The following ATXN7 variants were observed in gnomAD, a reference collection of about 807,000 sequenced individuals.
ATXN7 encodes ataxin 7.
A neutral mutation model predicts 70.5 loss-of-function variants in ATXN7; 12 were observed. That is an observed-to-expected ratio of 0.17 (90% CI 0.11 to 0.28). The LOEUF (loss-of-function observed/expected upper bound fraction) is 0.28, where lower values mean the gene tolerates loss of function less well. Ranked by LOEUF, ATXN7 falls within the 10% of genes least tolerant of loss-of-function variation. ATXN7 has a pLI of 1.00. For missense variants in ATXN7, 1,256 were observed against 1,131.7 expected, an observed-to-expected ratio of 1.11 and a Z score of -1.58; for synonymous variants, 498 against 448.7, an observed-to-expected ratio of 1.11 and a Z score of -1.39.
intron 4 of ATXN7, among the ~76,000 whole-genome samples, chr3:63,920,203 A>C (rs753491073): frequency 1.3e-5 from 2 of 152,160 alleles, no homozygotes; most frequent in Non-Finnish European, 2.9e-5. Flanking sequence ...GAGACCATGC[A>C]CATGTTTCCA....
intron 1 of ATXN7, among the ~76,000 whole-genome samples, chr3:63,885,028 G>A (rs1171086131): frequency 2.6e-5 from 4 of 152,070 alleles, no homozygotes; most frequent in African/African-American, 9.7e-5. Flanking sequence ...TGAAAAGGGA[G>A]GAAAGAGACA....
intron 11 of ATXN7, among the ~76,000 whole-genome samples, 187 bp from the exon 12 acceptor site, chr3:63,995,318 A>AC (rs2075739806): frequency 6.6e-6 from 1 of 152,158 alleles, no homozygotes; most frequent in Non-Finnish European, 1.5e-5. Flanking sequence ...ACAGTTCTGT[A>AC]AGAACTGTAC....
intron 4 of ATXN7, among the ~76,000 whole-genome samples, chr3:63,943,787 A>G (rs926277110): frequency 1.3e-5 from 2 of 152,276 alleles, no homozygotes; most frequent in African/African-American, 2.4e-5. Context: ...CCTCACATCC[A>G]TGGTCTCCTG....
intron 5 of ATXN7, among the ~76,000 whole-genome samples, chr3:63,979,378 C>T (rs904929634): frequency 7.9e-5 from 12 of 151,952 alleles, no homozygotes; most frequent in African/African-American, 2.2e-4. Flanking sequence ...TCTTAGGGAA[C>T]GATAAGATAA....
intron 1 of ATXN7, among the ~76,000 whole-genome samples, chr3:63,883,629 TA>T (rs1238273372): frequency 2.6e-5 from 4 of 152,310 alleles, no homozygotes; most frequent in Admixed American, 1.3e-4. Flanking sequence ...CTATTCTATT[TA>T]AACATAAATA....
At chr3:63,914,160 G>A (rs1396137015) in intron 4 of ATXN7, among the ~76,000 whole-genome samples, 3 of 152,186 alleles carry the variant, frequency 2.0e-5, no homozygotes, top group African/African-American at 7.2e-5. Context: ...TTATTTTGCA[G>A]AATTGTTGTC....
rs765685577 is a variant in ATXN7, at chr3:63,982,236, C to T, written c.803C>T (p.Thr268Ile). 5.0e-6 allele frequency: 8 copies of T among 1,614,140 alleles called. No homozygotes were observed. The highest frequency in any genetic ancestry group is 5.1e-6 in the Non-Finnish European group (6 of 1,180,024). Residue 268 changes from threonine to isoleucine, a missense_variant, in exon 7 of 13, where the codon ACA becomes ATA. Transcript: ENST00000674280. ...AAGATTCATCCGAAAATGGATGGCA[C>T]ACTACTGAAATCTGCGGTGGGGCCA... ...VEKIHPKMDGTLLKSAVGPTC... is the reference protein window; with the variant it reads ...VEKIHPKMDGILLKSAVGPTC...
At position 63,979,896 on chromosome 3, in the gene ATXN7, T is replaced by C. The variant is rs1575981084; in HGVS notation, c.500-19T>C. The C allele has an allele frequency of 6.2e-7, 1 of 1,611,924 alleles. No homozygotes were observed. ...TCGCCTAAAACATGATGTCTTTTTT[T>C]CTTTGCTTTCGTTTTCAGAAAGAAG... On this transcript the variant is annotated intron_variant, in intron 5 of 12. Transcript: ENST00000674280.
At chr3:63,888,293 G>T (rs552119039) in intron 1 of ATXN7, among the ~76,000 whole-genome samples, 2 of 152,120 alleles carry the variant, frequency 1.3e-5, no homozygotes, top group African/African-American at 4.8e-5. Flanking sequence ...ATAGGAATTT[G>T]CAAAGATGGT....
intron 1 of ATXN7, among the ~76,000 whole-genome samples, chr3:63,886,953 CA>C (rs1235714879): frequency 4.6e-5 from 7 of 152,154 alleles, no homozygotes; most frequent in Admixed American, 4.6e-4. Context: ...TGCCCAGTAG[CA>C]GTCCCTTGAG....
At chr3:63,915,446 A>C (rs992277307) in intron 4 of ATXN7, among the ~76,000 whole-genome samples, 2 of 152,232 alleles carry the variant, frequency 1.3e-5, no homozygotes, top group Non-Finnish European at 2.9e-5. Context: ...GCACTCACTC[A>C]GTGGACCTTT....
intron 1 of ATXN7, among the ~76,000 whole-genome samples, chr3:63,892,703 A>G (rs1049870484): frequency 6.6e-6 from 1 of 152,190 alleles, no homozygotes; most frequent in African/African-American, 2.4e-5. Context: ...CCAGGCACAT[A>G]TTAACCTGAG....
chr3:63,945,366 G>T (rs2074842614), intron 4 of ATXN7, among the ~76,000 whole-genome samples: 1 of 152,194 alleles, frequency 6.6e-6, no homozygotes, highest in South Asian at 2.1e-4. Context: ...AAAAGAATTT[G>T]TCAACATGCA....
intron 5 of ATXN7, among the ~76,000 whole-genome samples, chr3:63,965,508 C>G (rs973445979): frequency 3.9e-5 from 6 of 152,128 alleles, no homozygotes; most frequent in African/African-American, 1.4e-4. Flanking sequence ...CCATCCAAAC[C>G]ACAGCTGATA....
intron 5 of ATXN7, among the ~76,000 whole-genome samples, chr3:63,970,430 C>G (rs540433323): frequency 1.3e-5 from 2 of 152,302 alleles, no homozygotes; most frequent in Non-Finnish European, 2.9e-5. Context: ...GTGTTATACT[C>G]ATAGCTGAGG....
rs1210236745 is a variant in ATXN7 at position 63,913,183 on chromosome 3, G to A, written c.352G>A (p.Glu118Lys). Residue 118 changes from glutamate (E) to lysine (K), a missense_variant, in exon 4 of 13, where the codon GAG becomes AAG. Glu to Lys is a moderately conservative substitution (Grantham distance 56). Coordinates refer to ENST00000674280, the MANE Select transcript of ATXN7 (RefSeq NM_001377405.1). ...GACAGAATTGGACGAAAGTTTCAAG[G>A]AGTTTGGGAAAAACCGCGAAGTCAT... is the stretch of plus-strand genomic sequence containing the variant. ...DGTELDESFK[E>K]FGKNREVMGL... is the part of the protein sequence containing the mutation. 1.9e-6 allele frequency: 3 copies of A among 1,613,930 alleles called. No homozygotes were observed. The highest frequency in any genetic ancestry group is 2.2e-5 in the East Asian group (1 of 44,844).
rs2075760689 is a variant in ATXN7 at position 63,996,411 on chromosome 3, C to A, written c.2589C>A (p.Asn863Lys). The change falls in exon 12 of 13, where the codon AAC becomes AAA. Residue 863 changes from asparagine (N) to lysine (K), a missense_variant. By Grantham distance (94) the Asn-to-Lys change is moderately conservative (BLOSUM62 0). Coordinates refer to ENST00000674280, the MANE Select transcript of ATXN7 (RefSeq NM_001377405.1). ...AGGTTGCCAAAGTGCCAGCCGTGAA[C>A]AATGTCCACATGAAACACACAGGCA... Reference protein sequence around the residue: ...PTKVAKVPAVNNVHMKHTGTI... With the variant: ...PTKVAKVPAVKNVHMKHTGTI... The A allele has an allele frequency of 6.2e-7, 1 of 1,614,040 alleles. No homozygotes were observed. The highest frequency in any genetic ancestry group is 1.3e-5 in the African/African-American group (1 of 74,916).
At chr3:63,907,204 CAG>C (rs1459115981) in intron 2 of ATXN7, among the ~76,000 whole-genome samples, 3 of 152,158 alleles carry the variant, frequency 2.0e-5, no homozygotes, top group Non-Finnish European at 2.9e-5. Context: ...GTGATTTCCC[CAG>C]AGTTACACAG....
In ATXN7 at chr3:64,001,849, C is replaced by T. The variant is rs1311247850; in HGVS notation, c.*2382C>T. The T allele has an allele frequency of 6.6e-6, 1 of 152,046 alleles. No homozygotes were observed. The highest frequency in any genetic ancestry group is 2.4e-5 in the African/African-American group (1 of 41,414). 9.4% of individuals were successfully genotyped at this position (152,046 alleles called of 1,614,324 possible). A position where few individuals can be genotyped will look rare whatever the true frequency, so the allele number is the denominator to read the frequency against. On this transcript the variant is annotated 3_prime_UTR_variant, in exon 13 of 13. Transcript: ENST00000674280. Reference sequence around the variant, plus strand: ...TAAGACCATTTAAAACACGGGAGTACAAGTATTTTTTTGAATTAAATTAAC... The same window carrying T: ...TAAGACCATTTAAAACACGGGAGTATAAGTATTTTTTTGAATTAAATTAAC...
Sources: gnomAD v4.1 joint callset for allele counts (sites outside exome capture counted in the v4.1 genomes callset) on GRCh38, gnomAD v4.1.1 for gene constraint, MANE v1.5 for transcripts, NCBI Gene and HGNC (gene_info 2026-07-23, HGNC 2026-07-21) for gene names.